The following MYO19 variants were observed in gnomAD, a reference collection of about 807,000 sequenced individuals.
MYO19 encodes the protein unconventional myosin-XIX.
In MYO19, 132 loss-of-function variants were observed where a neutral mutation model predicts 129.2. The ratio of observed to expected loss-of-function variants is 1.02; its 90% CI spans 0.89 to 1.18. The LOEUF (loss-of-function observed/expected upper bound fraction) is 1.18, where lower values mean the gene tolerates loss of function less well. Among genes scored for constraint, MYO19 ranks in the 50% most tolerant of loss-of-function variants. The pLI is 0.00. For missense variants in MYO19, 1,210 were observed against 1,216.7 expected, an observed-to-expected ratio of 0.99 and a Z score of 0.08; for synonymous variants, 531 against 477.2, an observed-to-expected ratio of 1.11 and a Z score of -1.47.
At position 36,527,700 on chromosome 17, in the gene MYO19, C is replaced by G; in HGVS notation, c.152-1G>C. ...TACCGGGCCTGCAGGCACCTCAGGA[C>G]TGAGGCAGAGATGCCTTTAGCAAAC... On this transcript the variant is annotated splice_acceptor_variant, in intron 4 of 25. Coordinates refer to ENST00000614623, the MANE Select transcript of MYO19 (RefSeq NM_001163735.2). LOFTEE classifies it high-confidence loss of function. 6.2e-7 allele frequency: 1 copy of G among 1,609,328 alleles called. No homozygotes were observed.
In MYO19 at chr17:36,498,287, C is replaced by A; in HGVS notation, c.2736G>T (p.Thr912=). ...VQTAQDQAGV[T]SIRALPQGSI... ...GTACCTGAGGCAGCGCTCGGATGGACGTGACACCAGCCTGGTCTTGTGCTG... is the reference window on the plus strand; with the variant it reads ...GTACCTGAGGCAGCGCTCGGATGGAAGTGACACCAGCCTGGTCTTGTGCTG... The change falls in exon 25 of 26, where the codon ACG becomes ACT. Residue 912 remains threonine, a synonymous_variant. Coordinates refer to ENST00000614623, the MANE Select transcript of MYO19 (RefSeq NM_001163735.2). 1 of 1,612,762 alleles carries A rather than the reference C, an allele frequency of 6.2e-7. No individual in the cohort carries two copies. The highest frequency in any genetic ancestry group is 8.5e-7 in the Non-Finnish European group (1 of 1,179,198).
rs767421106 is a variant in MYO19 at position 36,501,187 on chromosome 17, T to A, written c.2129A>T (p.Asp710Val). The change falls in exon 22 of 26, where the codon GAC becomes GTC. Residue 710 changes from aspartate to valine, a missense_variant. Asp to Val is a radical substitution (Grantham distance 152). Coordinates refer to ENST00000614623, the MANE Select transcript of MYO19 (RefSeq NM_001163735.2). ...TAGGACCGGCAGAGTGTGGAGAATG[T>A]CCTGGATGAGAGGTTCAAGCGTGGC... Reference protein sequence around the residue: ...EEATLEPLIQDILHTLPVLTQ... With the variant: ...EEATLEPLIQVILHTLPVLTQ... The A allele has an allele frequency of 1.9e-6, 3 of 1,614,000 alleles. No homozygotes were observed. The highest frequency in any genetic ancestry group is 2.5e-6 in the Non-Finnish European group (3 of 1,179,882).
At position 36,532,685 on chromosome 17, in the gene MYO19, T is replaced by C. The variant is rs1159953051; in HGVS notation, c.-143-4A>G. On this transcript the variant is annotated splice_polypyrimidine_tract_variant and splice_region_variant and intron_variant, in intron 2 of 25. Transcript: ENST00000614623. Reference sequence around the variant, plus strand: ...CTCAGACAAGTCACTCCAGCGCCTGTGGCATGAGAGAGAAGACAAGGACCA... The same window carrying C: ...CTCAGACAAGTCACTCCAGCGCCTGCGGCATGAGAGAGAAGACAAGGACCA... 4.2e-6 allele frequency: 4 copies of C among 945,138 alleles called. No homozygotes were observed. The highest frequency in any genetic ancestry group is 3.3e-5 in the African/African-American group (2 of 60,974). 58.5% of individuals were successfully genotyped at this position (945,138 alleles called of 1,614,324 possible).
At chr17:36,511,693 G>A (rs2072339410) in intron 11 of MYO19, among the ~76,000 whole-genome samples, 1 of 152,232 alleles carries the variant, frequency 6.6e-6, no homozygotes. Flanking sequence ...ATGAGACTGA[G>A]GACACGTGCT....
In MYO19 at chr17:36,501,244, G is replaced by A. The variant is rs770926207; in HGVS notation, c.2081-9C>T. 29 of 1,605,766 alleles carry A rather than the reference G, an allele frequency of 1.8e-5. No homozygotes were observed. The highest frequency in any genetic ancestry group is 2.4e-5 in the Non-Finnish European group (28 of 1,175,208). ...GCTGTGTGGACACCATTCTGGGGGA[G>A]GGAGATGGCCCCATCAGTGCATGGT... On this transcript the variant is annotated splice_polypyrimidine_tract_variant and intron_variant, in intron 21 of 25. Transcript: ENST00000614623.
At chr17:36,514,081 A>G (rs1210467444) in intron 9 of MYO19, among the ~76,000 whole-genome samples, 3 of 152,242 alleles carry the variant, frequency 2.0e-5, no homozygotes, top group Non-Finnish European at 4.4e-5. Flanking sequence ...GGGGACTCCC[A>G]GTCCGATGGA....
At chr17:36,538,720 A>G (rs1599480083), upstream of MYO19, 1 of 1,006,228 alleles carries the variant, frequency 9.9e-7, no homozygotes, top group Non-Finnish European at 1.4e-6. Flanking sequence ...ATTTTATTAT[A>G]AAATAGTTTC....
At chr17:36,519,539 T>G (rs2073011368) in intron 6 of MYO19, among the ~76,000 whole-genome samples, 1 of 152,198 alleles carries the variant, frequency 6.6e-6, no homozygotes, top group Non-Finnish European at 1.5e-5. Context: ...GTTCCCTTTT[T>G]TCTTATTGCC....
Position 36,528,279 on chromosome 17 carries a change from C to G in MYO19, c.13-77G>C, listed in dbSNP as rs1017056751. On this transcript the variant is annotated intron_variant, in intron 3 of 25. Transcript: ENST00000614623. ...ATCCCAGCACTCTGGGAGGCCAAGG[C>G]GGGCAGGACACAAAGTGAGGAGATC... is the stretch of plus-strand genomic sequence containing the variant. 3.5e-6 allele frequency: 5 copies of G among 1,446,978 alleles called. No homozygotes were observed. The African/African-American group carries it at 5.6e-5, about 16-fold the overall frequency. 89.6% of individuals were successfully genotyped at this position (1,446,978 alleles called of 1,614,324 possible).
chr17:36,514,398 C>T lies in MYO19; in HGVS notation c.720+48G>A, dbSNP rs114815322. ...GAGTGGGGGGTTGAAAAACACGGAC[C>T]CATCCCTGTCTCGCATCTGGGGGGC... On this transcript the variant is annotated intron_variant, in intron 9 of 25. Transcript: ENST00000614623. The T allele has an allele frequency of 1.7e-3, 2,160 of 1,243,202 alleles. 28 individuals carry two copies. In the African/African-American group the frequency reaches 0.028, roughly 16 times the overall value. The allele number at this position is 1,243,202 out of a possible 1,614,324, so 77.0% of individuals were successfully genotyped here. A position where few individuals can be genotyped will look rare whatever the true frequency, so the allele number is the denominator to read the frequency against.
At chr17:36,510,949 A>T (rs1240284501) in intron 12 of MYO19, 32 bp from the exon 13 acceptor site, 5 of 1,543,712 alleles carry the variant, frequency 3.2e-6, no homozygotes, top group Non-Finnish European at 4.4e-6. Context: ...TAGGCAAATC[A>T]CTCTCCATCC....
intron 2 of MYO19, among the ~76,000 whole-genome samples, chr17:36,541,385 T>C (rs1289767517): frequency 1.3e-5 from 2 of 152,214 alleles, no homozygotes; most frequent in Non-Finnish European, 2.9e-5. Context: ...ACAAGAACCT[T>C]ATGTTCCTCC....
intron 16 of MYO19, 104 bp downstream of exon 16, chr17:36,507,294 CA>C (rs2071977471): frequency 7.0e-7 from 1 of 1,420,308 alleles, no homozygotes; most frequent in Non-Finnish European, 9.7e-7. Context: ...ATCTATTTGG[CA>C]GACTGGGAGG....
At chr17:36,503,883 G>A in intron 20 of MYO19, 67 bp downstream of exon 20, 1 of 1,327,482 alleles carries the variant, frequency 7.5e-7, no homozygotes, top group Non-Finnish European at 1.0e-6. Flanking sequence ...GCAGGCTCTT[G>A]CCCAATGAGA....
At position 36,496,116 on chromosome 17, in the gene MYO19, G is replaced by A. The variant is rs1278755172; in HGVS notation, c.*135C>T. The A allele has an allele frequency of 1.0e-5, 13 of 1,258,590 alleles. No individual in the cohort carries two copies. The highest frequency in any genetic ancestry group is 1.4e-5 in the Non-Finnish European group (13 of 897,460). The allele number at this position is 1,258,590 out of a possible 1,614,324, so 78.0% of individuals were successfully genotyped here. A position where few individuals can be genotyped will look rare whatever the true frequency, so the allele number is the denominator to read the frequency against. On this transcript the variant is annotated 3_prime_UTR_variant, in exon 26 of 26. Transcript: ENST00000614623. ...CGCACTGGGCACGGGGCTCTGGGTC[G>A]AAGGCTGGAGCCGTCACTGTTGTTC...
chr17:36,528,204 T>G lies in MYO19; in HGVS notation c.13-2A>C. On this transcript the variant is annotated splice_acceptor_variant, in intron 3 of 25. Coordinates refer to ENST00000614623, the MANE Select transcript of MYO19 (RefSeq NM_001163735.2). LOFTEE classifies it high-confidence loss of function. Reference sequence around the variant, plus strand: ...AGACCCCGGATTGTGGCCATTGACCTGGAAGAGATAACGTGAAGGTGAGGC... The same window carrying G: ...AGACCCCGGATTGTGGCCATTGACCGGGAAGAGATAACGTGAAGGTGAGGC... 3.2e-6 allele frequency: 5 copies of G among 1,570,730 alleles called. No individual in the cohort carries two copies. The highest frequency in any genetic ancestry group is 4.3e-6 in the Non-Finnish European group (5 of 1,157,294).
chr17:36,521,359 A>C (rs1452646922), intron 6 of MYO19, among the ~76,000 whole-genome samples: 2 of 152,230 alleles, frequency 1.3e-5, no homozygotes, highest in African/African-American at 4.8e-5. Flanking sequence ...AAAAACTAGA[A>C]TGTAGAATTA....
At position 36,503,189 on chromosome 17, in the gene MYO19, C is replaced by T. The variant is rs752407183; in HGVS notation, c.1988G>A (p.Arg663Gln). Residue 663 changes from arginine (R) to glutamine (Q), a missense_variant, in exon 21 of 26, where the codon CGA becomes CAA. Physicochemically the swap from Arg to Gln is conservative, Grantham distance 43. Coordinates refer to ENST00000614623, the MANE Select transcript of MYO19 (RefSeq NM_001163735.2). Reference sequence around the variant, plus strand: ...TAACTTGTATCGTTCTACAAAGTTTCGGTGAGAGACCCTGGAGGCCAAAGC... The same window carrying T: ...TAACTTGTATCGTTCTACAAAGTTTTGGTGAGAGACCCTGGAGGCCAAAGC... The part of the protein sequence containing the change: ...AAGFPIRVSH[R>Q]NFVERYKLLR... 40 of 1,613,882 alleles carry T rather than the reference C, an allele frequency of 2.5e-5. No homozygotes were observed. Among genetic ancestry groups the T allele is most frequent in the Admixed American group, 8.3e-5 (5 of 60,002 alleles).
rs1294621310 is a variant in MYO19, at chr17:36,515,947, GC to G, written c.457del (p.Ala153ProfsTer16). 9 of 1,613,472 alleles carry G rather than the reference GC, an allele frequency of 5.6e-6. No individual in the cohort carries two copies. In the African/African-American group the frequency reaches 6.7e-5, roughly 12 times the overall value. On this transcript the variant is annotated frameshift_variant, in exon 7 of 26. Coordinates refer to ENST00000614623, the MANE Select transcript of MYO19 (RefSeq NM_001163735.2). LOFTEE classifies it high-confidence loss of function. Reference protein sequence around the residue: ...RCLMKFYAVVATSPASWESHK... With the variant: ...RCLMKFYAVVXTSPASWESHK... Reference sequence around the variant, plus strand: ...GCTCTCCCAAGATGCAGGTGAGGTGGCCACCACAGCATAGAACTTCATTAGG... The same window carrying G: ...GCTCTCCCAAGATGCAGGTGAGGTGGCACCACAGCATAGAACTTCATTAGG...
Sources: allele counts gnomAD v4.1 joint callset (sites outside exome capture counted in the v4.1 genomes callset), GRCh38; gene constraint gnomAD v4.1.1; transcripts MANE v1.5; gene names NCBI Gene and HGNC (gene_info 2026-07-23, HGNC 2026-07-21).